HDAC4: variants seen among roughly 807,000 people sequenced by gnomAD.
HDAC4 encodes histone deacetylase A.
HDAC4 carries 16 observed loss-of-function variants against 135.1 expected under a neutral mutation model. That is an observed-to-expected ratio of 0.12 (90% CI 0.08 to 0.18). The LOEUF is 0.18. Among genes scored for constraint, HDAC4 ranks in the 10% least tolerant of loss-of-function variants. The pLI is 1.00. For synonymous variants in HDAC4, 685 were observed against 653.4 expected (o/e 1.05, Z -0.74); for missense variants, 1,143 against 1,511.8 (o/e 0.76, Z 4.05).
At chr2:239,111,409 C>G in intron 14 of HDAC4, 117 bp downstream of exon 14, 1 of 1,050,386 alleles carries the variant, frequency 9.5e-7, no homozygotes, top group South Asian at 1.4e-5. Flanking sequence ...CAGCGTGGCC[C>G]TCGTGCCTGC....
intron 3 of HDAC4, among the ~76,000 whole-genome samples, chr2:239,208,726 T>C (rs1046383309): frequency 7.2e-5 from 11 of 152,112 alleles, no homozygotes; most frequent in Non-Finnish European, 1.3e-4. Flanking sequence ...AATACGGTGT[T>C]AGATAAGATC....
In HDAC4 at chr2:239,141,345, G is replaced by A. The variant is rs771889357; in HGVS notation, c.866-1549C>T. Among the ~76,000 whole-genome samples, 5 of 152,180 alleles carry A rather than the reference G, an allele frequency of 3.3e-5. No individual in the cohort carries two copies. Among genetic ancestry groups the A allele is most frequent in the African/African-American group, 1.2e-4 (5 of 41,452 alleles). Reference sequence around the variant, plus strand: ...TCCCCATGGCTCTTGGAGCTCAAAAGAGTGTGGGGTCAGCTCACTGTCCTG... The same window carrying A: ...TCCCCATGGCTCTTGGAGCTCAAAAAAGTGTGGGGTCAGCTCACTGTCCTG... On this transcript the variant is annotated intron_variant, in intron 8 of 26. Coordinates refer to ENST00000543185, the MANE Select transcript of HDAC4 (RefSeq NM_001378414.1). The surrounding 1 kb of genome is among the most constrained non-coding windows in gnomAD (Gnocchi z 4.9).
At chr2:239,335,024 C>CAA (rs35641548) in intron 2 of HDAC4, among the ~76,000 whole-genome samples, 23,740 of 94,070 alleles carry the variant, frequency 0.25, 3,894 homozygotes, top group East Asian at 0.46. Context: ...GACTCCATCT[C>CAA]AAAAAAAAAA....
At chr2:239,274,117 T>C (rs1221888127) in intron 2 of HDAC4, among the ~76,000 whole-genome samples, 2 of 152,214 alleles carry the variant, frequency 1.3e-5, no homozygotes, top group East Asian at 1.9e-4. Flanking sequence ...TATTGTCTTT[T>C]CACTTTCGTA....
intron 6 of HDAC4, among the ~76,000 whole-genome samples, chr2:239,163,173 G>A (rs576390282): frequency 6.6e-5 from 10 of 152,236 alleles, no homozygotes; most frequent in African/African-American, 9.6e-5. Context: ...TGTCAATTGC[G>A]TGGGCCCTGG....
intron 1 of HDAC4, among the ~76,000 whole-genome samples, chr2:239,373,258 C>A (rs1030138428): frequency 2.0e-5 from 3 of 152,190 alleles, no homozygotes; most frequent in Middle Eastern, 3.2e-3. Context: ...GTAATGGACA[C>A]CATCTCTCTT....
Position 239,139,039 on chromosome 2 carries a change from TG to T in HDAC4, c.978+644del, listed in dbSNP as rs2041166686. Among the ~76,000 whole-genome samples the T allele has an allele frequency of 6.6e-6, 1 of 152,160 alleles. No homozygotes were observed. Among genetic ancestry groups the T allele is most frequent in the Non-Finnish European group, 1.5e-5 (1 of 68,022 alleles). On this transcript the variant is annotated intron_variant, in intron 9 of 26. Transcript: ENST00000543185. This position sits in a 1 kb window ranked among gnomAD's most constrained non-coding sequence, Gnocchi z 5.3. ...GCTTGCCAATGTCCCTCCCAGACTGTGGCACCACTTGGGGTCTGATGAAGGC... is the reference window on the plus strand; with the variant it reads ...GCTTGCCAATGTCCCTCCCAGACTGTGCACCACTTGGGGTCTGATGAAGGC...
chr2:239,306,292 T>G lies in HDAC4; in HGVS notation c.22+46386A>C, dbSNP rs983941503. Among the ~76,000 whole-genome samples the G allele has an allele frequency of 6.6e-6, 1 of 152,114 alleles. No homozygotes were observed. Among genetic ancestry groups the G allele is most frequent in the Admixed American group, 6.5e-5 (1 of 15,274 alleles). ...TCATCTTTCTAGTGATTCCAGGAGCTCCCTGGCCCATCCACAGGTGGGTGA... is the reference window on the plus strand; with the variant it reads ...TCATCTTTCTAGTGATTCCAGGAGCGCCCTGGCCCATCCACAGGTGGGTGA... On this transcript the variant is annotated intron_variant, in intron 2 of 26. Coordinates refer to ENST00000543185, the MANE Select transcript of HDAC4 (RefSeq NM_001378414.1). The surrounding 1 kb of genome is among the most constrained non-coding windows in gnomAD (Gnocchi z 4.5).
At chr2:239,315,873 A>T (rs2053093997) in intron 2 of HDAC4, among the ~76,000 whole-genome samples, 2 of 152,220 alleles carry the variant, frequency 1.3e-5, no homozygotes. Context: ...ATGCAATTTA[A>T]AAAAAACAGT....
At chr2:239,087,692 A>C in intron 18 of HDAC4, 78 bp from the exon 19 acceptor site, 1 of 1,347,674 alleles carries the variant, frequency 7.4e-7, no homozygotes, top group Non-Finnish European at 1.1e-6. Flanking sequence ...TTGCACACTC[A>C]ACTTTTAGCA....
At chr2:239,211,708 T>A (rs2046361085) in intron 3 of HDAC4, among the ~76,000 whole-genome samples, 1 of 152,200 alleles carries the variant, frequency 6.6e-6, no homozygotes, top group South Asian at 2.1e-4. Flanking sequence ...AGGCAGTGAC[T>A]TTTCCACTTT....
Position 239,068,534 on chromosome 2 carries a change from C to T in HDAC4, c.2824G>A (p.Glu942Lys). Residue 942 changes from glutamate to lysine, a missense_variant, in exon 23 of 27, where the codon GAG becomes AAG. Coordinates refer to ENST00000543185, the MANE Select transcript of HDAC4 (RefSeq NM_001378414.1). This position sits in a 1 kb window ranked among gnomAD's most constrained non-coding sequence, Gnocchi z 4.4. Reference protein sequence around the residue: ...VLVSSGFDAVEGHPTPLGGYN... With the variant: ...VLVSSGFDAVKGHPTPLGGYN... ...CCCCCAAGAGGGGTGGGGTGGCCCT[C>T]CACGGCATCGAAGCCTGATGACACC... 1 of 1,614,056 alleles carries T rather than the reference C, an allele frequency of 6.2e-7. No individual in the cohort carries two copies. The highest frequency in any genetic ancestry group is 8.5e-7 in the Non-Finnish European group (1 of 1,180,012).
At chr2:239,392,120 G>A (rs936990219) in intron 1 of HDAC4, among the ~76,000 whole-genome samples, 1 of 152,208 alleles carries the variant, frequency 6.6e-6, no homozygotes, top group South Asian at 2.1e-4. Context: ...GGCCCAGCCC[G>A]GCTGCTACCC....
chr2:239,331,201 C>T lies in HDAC4; in HGVS notation c.22+21477G>A, dbSNP rs1442183760. Among the ~76,000 whole-genome samples the T allele has an allele frequency of 1.3e-5, 2 of 152,170 alleles. No homozygotes were observed. The highest frequency in any genetic ancestry group is 4.8e-5 in the African/African-American group (2 of 41,428). On this transcript the variant is annotated intron_variant, in intron 2 of 26. Coordinates refer to ENST00000543185, the MANE Select transcript of HDAC4 (RefSeq NM_001378414.1). This position sits in a 1 kb window ranked among gnomAD's most constrained non-coding sequence, Gnocchi z 4.5. ...CTGTCGTGACATTGATGGCACGAAA[C>T]TCAACGTCCTGCACATGATTCCTAA...
In HDAC4 at chr2:239,116,241, C is replaced by T. The variant is rs193262636; in HGVS notation, c.1534-931G>A. ...GTGCTGAGCCCAAACTCGCTCTTTA[C>T]CTCCAGACCTAATGGCCTGCCAGAC... On this transcript the variant is annotated intron_variant, in intron 12 of 26. Transcript: ENST00000543185. 1.1e-3 allele frequency among the ~76,000 whole-genome samples: 160 copies of T among 152,334 alleles called. 1 individual carries two copies. Among genetic ancestry groups the T allele is most frequent in the African/African-American group, 3.8e-3 (156 of 41,574 alleles).
intron 22 of HDAC4, among the ~76,000 whole-genome samples, chr2:239,076,227 G>A (rs568498011): frequency 6.6e-5 from 10 of 151,886 alleles, no homozygotes; most frequent in South Asian, 2.1e-4. Flanking sequence ...CACGCCCCTC[G>A]GCTTCCCAGG....
chr2:239,386,893 C>A (rs1403919819), intron 1 of HDAC4, among the ~76,000 whole-genome samples: 2 of 152,176 alleles, frequency 1.3e-5, no homozygotes, highest in Non-Finnish European at 2.9e-5. Flanking sequence ...TCAGATGTAC[C>A]CATTTTAGAG....
In HDAC4 at chr2:239,141,083, G is replaced by A. The variant is rs1372655317; in HGVS notation, c.866-1287C>T. 1 of 278,062 alleles carries A rather than the reference G, an allele frequency of 3.6e-6. No homozygotes were observed. The highest frequency in any genetic ancestry group is 7.9e-6 in the Non-Finnish European group (1 of 126,766). The allele number at this position is 278,062 out of a possible 1,614,324, so 17.2% of individuals were successfully genotyped here. ...GCCATTATGACCCCGTTTCCCAGAA[G>A]AGGAGATGGAGGCATGGAGCAGCAA... is the stretch of plus-strand genomic sequence containing the variant. On this transcript the variant is annotated intron_variant, in intron 8 of 26. Coordinates refer to ENST00000543185, the MANE Select transcript of HDAC4 (RefSeq NM_001378414.1). The surrounding 1 kb of genome is among the most constrained non-coding windows in gnomAD (Gnocchi z 4.9).
chr2:239,276,346 A>T (rs1337593300), intron 2 of HDAC4, among the ~76,000 whole-genome samples: 2 of 152,206 alleles, frequency 1.3e-5, no homozygotes, highest in Non-Finnish European at 2.9e-5. Context: ...TAACTGACTC[A>T]GCAGCCCCTC....
Sources: allele counts gnomAD v4.1 joint callset (sites outside exome capture counted in the v4.1 genomes callset), GRCh38; gene constraint gnomAD v4.1.1; non-coding constraint Gnocchi (gnomAD v3.1); transcripts MANE v1.5; gene names NCBI Gene and HGNC (gene_info 2026-07-23, HGNC 2026-07-21).